SRSF10: variants seen among roughly 807,000 people sequenced by gnomAD.
SRSF10 encodes the protein serine/arginine-rich splicing factor 10.
In SRSF10, 9 loss-of-function variants were observed where a neutral mutation model predicts 32.6. That is an observed-to-expected ratio of 0.28 (90% confidence interval 0.17 to 0.48). SRSF10 has a LOEUF of 0.48. SRSF10 is among the 20% of genes least tolerant of loss of function. The probability of loss-of-function intolerance (pLI) is 0.99; values close to 1 mark genes in which losing one functional copy is unlikely to be tolerated. For synonymous variants in SRSF10, 105 were observed against 112.4 expected, an observed-to-expected ratio of 0.93 and a Z score of 0.42; for missense variants, 201 against 331.8, an observed-to-expected ratio of 0.61 and a Z score of 3.06.
In SRSF10 at chr1:23,978,821, A is replaced by C; in HGVS notation, c.66-4T>G. The C allele has an allele frequency of 6.3e-7, 1 of 1,596,654 alleles. No homozygotes were observed. Among genetic ancestry groups the C allele is most frequent in the Non-Finnish European group, 8.5e-7 (1 of 1,170,672 alleles). On this transcript the variant is annotated splice_region_variant and splice_polypyrimidine_tract_variant and intron_variant, in intron 1 of 5. Transcript: ENST00000492112. The stretch of plus-strand genomic sequence containing the variant: ...TTCACGCCGCAAGTCTTCAGACCTA[A>C]AACATCATAAAAAGACCTCAAATTT...
chr1:23,974,275 T>C (rs999724748), intron 3 of SRSF10, among the ~76,000 whole-genome samples: 2 of 152,134 alleles, frequency 1.3e-5, no homozygotes, highest in African/African-American at 4.8e-5. Flanking sequence ...GTTATTTTAA[T>C]CTCTTAATTA....
chr1:23,970,802 C>T lies in SRSF10; in HGVS notation c.*340G>A. 1 of 1,050,036 alleles carries T rather than the reference C, an allele frequency of 9.5e-7. No homozygotes were observed. The highest frequency in any genetic ancestry group is 3.6e-5 in the South Asian group (1 of 27,456). The allele number at this position is 1,050,036 out of a possible 1,614,324, so 65.0% of individuals were successfully genotyped here. A position where few individuals can be genotyped will look rare whatever the true frequency, so the allele number is the denominator to read the frequency against. On this transcript the variant is annotated 3_prime_UTR_variant, in exon 6 of 6. Coordinates refer to ENST00000492112, the MANE Select transcript of SRSF10 (RefSeq NM_054016.4). The stretch of plus-strand genomic sequence containing the variant: ...TACATTTCTAGGTTAACAGTTCTAC[C>T]AAATATGAATATGAAAGTTTATTTT...
chr1:23,966,777 ATTAT>A lies in SRSF10; in HGVS notation c.*4361_*4364del, dbSNP rs1466173066. 3 of 152,016 alleles carry A rather than the reference ATTAT, an allele frequency of 2.0e-5. No homozygotes were observed. The highest frequency in any genetic ancestry group is 2.9e-5 in the Non-Finnish European group (2 of 67,920). 9.4% of individuals were successfully genotyped at this position (152,016 alleles called of 1,614,324 possible). A position where few individuals can be genotyped will look rare whatever the true frequency, so the allele number is the denominator to read the frequency against. On this transcript the variant is annotated 3_prime_UTR_variant, in exon 6 of 6. Coordinates refer to ENST00000492112, the MANE Select transcript of SRSF10 (RefSeq NM_054016.4). ...TTATTACAGATTAAATCATTTTTTC[ATTAT>A]TTATAATAATGTGATCAAATACTGG...
intron 2 of SRSF10, chr1:23,977,973 A>C: frequency 1.0e-6 from 1 of 985,396 alleles, no homozygotes. Flanking sequence ...TAACTCTTTA[A>C]GTGCTTGTCA....
intron 3 of SRSF10, among the ~76,000 whole-genome samples, chr1:23,973,991 T>C (rs1002687525): frequency 1.5e-5 from 1 of 68,690 alleles, no homozygotes; most frequent in African/African-American, 5.8e-5. Context: ...CCTCAGCAGC[T>C]ATTTTTTTTT....
chr1:23,972,603 C>T (rs1407789928), intron 3 of SRSF10, among the ~76,000 whole-genome samples: 2 of 151,132 alleles, frequency 1.3e-5, no homozygotes, highest in Non-Finnish European at 3.0e-5. Flanking sequence ...CCACCACACC[C>T]GGCTAATTTT....
chr1:23,966,908 A>C lies in SRSF10; in HGVS notation c.*4234T>G, dbSNP rs1641481600. The C allele has an allele frequency of 6.6e-6, 1 of 152,106 alleles. No homozygotes were observed. 9.4% of individuals were successfully genotyped at this position (152,106 alleles called of 1,614,324 possible). On this transcript the variant is annotated 3_prime_UTR_variant, in exon 6 of 6. Transcript: ENST00000492112. ...AATGGTGTAAAATATTGTTATGAAT[A>C]ACACACCTCAAACAAAACAATGAGG...
chr1:23,976,472 T>G (rs1642098030), intron 2 of SRSF10: 1 of 152,220 alleles, frequency 6.6e-6, no homozygotes, highest in Non-Finnish European at 1.5e-5. Context: ...CCTTGAATAC[T>G]GTAACTGAAC....
chr1:23,971,534 A>T, intron 5 of SRSF10, 39 bp downstream of exon 5: 9 of 1,596,720 alleles, frequency 5.6e-6, no homozygotes, highest in Non-Finnish European at 7.7e-6. Flanking sequence ...CTCTGAAATT[A>T]AAAAATACAT....
At chr1:23,975,198 C>T (rs1157350134) in intron 2 of SRSF10, 121 bp from the exon 3 acceptor site, 2 of 770,858 alleles carry the variant, frequency 2.6e-6, no homozygotes, top group East Asian at 4.9e-5. Flanking sequence ...AACCAGACCC[C>T]CACTTACTAG....
intron 1 of SRSF10, 120 bp downstream of exon 1, chr1:23,980,071 G>T: frequency 8.8e-7 from 1 of 1,140,782 alleles, no homozygotes; most frequent in Non-Finnish European, 1.2e-6. Context: ...GCCAAAGCGG[G>T]CGCGGGACCC....
At chr1:23,979,046 A>ACACATCAAC in intron 1 of SRSF10, 1 of 171,692 alleles carries the variant, frequency 5.8e-6, no homozygotes. Context: ...ATTAGGTTGT[A>ACACATCAAC]TATAAGCCTT....
intron 3 of SRSF10, among the ~76,000 whole-genome samples, chr1:23,974,165 CTATT>C (rs1641941623): frequency 1.3e-5 from 2 of 151,828 alleles, no homozygotes; most frequent in African/African-American, 4.8e-5. Flanking sequence ...CTAATTTTTT[CTATT>C]TTTAGTATAG....
rs1000997775 is a variant in SRSF10 at position 23,973,004 on chromosome 1, C to T, written c.275-992G>A. On this transcript the variant is annotated intron_variant, in intron 3 of 5. Transcript: ENST00000492112. ...ATCTGCCCCTGCCCGCCTTGACCTC[C>T]CAAAGTGCTGGGATTACAGGCTTGA... is the stretch of plus-strand genomic sequence containing the variant. Among the ~76,000 whole-genome samples, 288 of 152,280 alleles carry T rather than the reference C, an allele frequency of 1.9e-3. 1 individual carries two copies. Among genetic ancestry groups the T allele is most frequent in the African/African-American group, 6.6e-3 (276 of 41,564 alleles).
Position 23,966,780 on chromosome 1 carries a change from A to T in SRSF10, c.*4362T>A, listed in dbSNP as rs1255254516. The stretch of plus-strand genomic sequence containing the variant: ...TTACAGATTAAATCATTTTTTCATT[A>T]TTTATAATAATGTGATCAAATACTG... On this transcript the variant is annotated 3_prime_UTR_variant, in exon 6 of 6. Transcript: ENST00000492112. 1 of 151,998 alleles carries T rather than the reference A, an allele frequency of 6.6e-6. No homozygotes were observed. The highest frequency in any genetic ancestry group is 2.4e-5 in the African/African-American group (1 of 41,408). 9.4% of individuals were successfully genotyped at this position (151,998 alleles called of 1,614,324 possible). A position where few individuals can be genotyped will look rare whatever the true frequency, so the allele number is the denominator to read the frequency against.
Position 23,970,092 on chromosome 1 carries a change from A to G in SRSF10, c.*1050T>C. On this transcript the variant is annotated 3_prime_UTR_variant, in exon 6 of 6. Transcript: ENST00000492112. ...AAAACTAAGCAATATTATGGTCAAC[A>G]ACGCTCCTTAAACTTTAGAATAACT... The G allele has an allele frequency of 1.0e-6, 1 of 985,446 alleles. No individual in the cohort carries two copies. The highest frequency in any genetic ancestry group is 1.2e-6 in the Non-Finnish European group (1 of 829,932). 61.0% of individuals were successfully genotyped at this position (985,446 alleles called of 1,614,324 possible). A position where few individuals can be genotyped will look rare whatever the true frequency, so the allele number is the denominator to read the frequency against.
At position 23,968,800 on chromosome 1, in the gene SRSF10, A is replaced by G. The variant is rs1264014597; in HGVS notation, c.*2342T>C. On this transcript the variant is annotated 3_prime_UTR_variant, in exon 6 of 6. Coordinates refer to ENST00000492112, the MANE Select transcript of SRSF10 (RefSeq NM_054016.4). ...ATAATGAAAATATAAACTTGGAATT[A>G]GCTGATCCAAATTTCATCTTAACAC... 6.6e-6 allele frequency among the ~76,000 whole-genome samples: 1 copy of G among 152,234 alleles called. No homozygotes were observed. Among genetic ancestry groups the G allele is most frequent in the African/African-American group, 2.4e-5 (1 of 41,464 alleles).
Position 23,966,598 on chromosome 1 carries a change from C to A in SRSF10, c.*4544G>T. On this transcript the variant is annotated 3_prime_UTR_variant, in exon 6 of 6. Transcript: ENST00000492112. ...TAGGATAACAGCTCTCTGTCTGCCT[C>A]AAAATAATCTAATTATAGCACCCAG... is the stretch of plus-strand genomic sequence containing the variant. 1 of 151,948 alleles carries A rather than the reference C, an allele frequency of 6.6e-6. No homozygotes were observed. Among genetic ancestry groups the A allele is most frequent in the Middle Eastern group, 3.2e-3 (1 of 316 alleles). 9.4% of individuals were successfully genotyped at this position (151,948 alleles called of 1,614,324 possible). A position where few individuals can be genotyped will look rare whatever the true frequency, so the allele number is the denominator to read the frequency against.
rs2148490608 is a variant in SRSF10, at chr1:23,965,243, A to G, written c.*5899T>C. The G allele has an allele frequency of 6.6e-6, 1 of 152,134 alleles. No individual in the cohort carries two copies. Among genetic ancestry groups the G allele is most frequent in the South Asian group, 2.1e-4 (1 of 4,828 alleles). 9.4% of individuals were successfully genotyped at this position (152,134 alleles called of 1,614,324 possible). On this transcript the variant is annotated 3_prime_UTR_variant, in exon 6 of 6. Coordinates refer to ENST00000492112, the MANE Select transcript of SRSF10 (RefSeq NM_054016.4). ...CTCCTTCCTAATAGAATGCCCTCAG[A>G]TTATTCCTGAGCTATCACTCAAGTC...
Sources: allele counts gnomAD v4.1 joint callset (sites outside exome capture counted in the v4.1 genomes callset), GRCh38; gene constraint gnomAD v4.1.1; transcripts MANE v1.5; gene names NCBI Gene and HGNC (gene_info 2026-07-23, HGNC 2026-07-21).